MCPH1: variants seen among roughly 807,000 people sequenced by gnomAD.
MCPH1 encodes the protein microcephalin 1, also known as microcephalin.
MCPH1 carries 104 observed loss-of-function variants against 84.5 expected under a neutral mutation model. The ratio of observed to expected loss-of-function variants is 1.23; its 90% CI spans 1.05 to 1.45. MCPH1 has a LOEUF of 1.45. Among genes scored for constraint, MCPH1 ranks in the 40% most tolerant of loss-of-function variants. The pLI is 0.00. For missense variants in MCPH1, 1,498 were observed against 1,005.7 expected (o/e 1.49, Z -6.62); for synonymous variants, 514 against 366.8 (o/e 1.40, Z -4.58).
chr8:6,461,501 ATTT>A (rs78168192), intron 9 of MCPH1, among the ~76,000 whole-genome samples: 1 of 136,356 alleles, frequency 7.3e-6, no homozygotes, highest in Non-Finnish European at 1.6e-5. Flanking sequence ...TAATTTTTCT[ATTT>A]TTTTTTTTTT....
intron 13 of MCPH1, among the ~76,000 whole-genome samples, chr8:6,628,905 G>C (rs148263200): frequency 1.1e-3 from 169 of 152,326 alleles, no homozygotes; most frequent in Admixed American, 2.5e-3. Flanking sequence ...CTGTAGGAGA[G>C]ATTTTCCTGT....
intron 3 of MCPH1, among the ~76,000 whole-genome samples, chr8:6,429,323 G>A (rs1801506568): frequency 6.6e-6 from 1 of 152,214 alleles, no homozygotes. Flanking sequence ...ACACAGGGTG[G>A]CAGTGAGTGG....
chr8:6,488,969 G>T (rs1246308267), intron 11 of MCPH1, among the ~76,000 whole-genome samples: 2 of 152,046 alleles, frequency 1.3e-5, no homozygotes, highest in Admixed American at 1.3e-4. Context: ...CAGGTGTGTG[G>T]GAATGGAGAA....
intron 1 of MCPH1, among the ~76,000 whole-genome samples, chr8:6,407,851 C>T (rs1243658516): frequency 1.3e-5 from 2 of 152,164 alleles, no homozygotes; most frequent in East Asian, 1.9e-4. Flanking sequence ...GGTCTACGAG[C>T]TAAGAATGTC....
At chr8:6,463,463 A>C (rs1309165122) in intron 9 of MCPH1, among the ~76,000 whole-genome samples, 1 of 152,218 alleles carries the variant, frequency 6.6e-6, no homozygotes, top group African/African-American at 2.4e-5. Context: ...TATTTCAGAG[A>C]GCTCTAATCA....
intron 12 of MCPH1, among the ~76,000 whole-genome samples, chr8:6,613,618 G>C (rs1197759418): frequency 6.6e-6 from 1 of 152,020 alleles, no homozygotes; most frequent in Non-Finnish European, 1.5e-5. Flanking sequence ...AGGAGCCCAA[G>C]GGACCGGGGG....
rs375019116 is a variant in MCPH1, at chr8:6,445,578, C to T, written c.1825+31C>T. ...TGAATCTCCTTTTCCAAGTCACCTT[C>T]GCTAAATAAACATGTAACAGTGCAT... On this transcript the variant is annotated intron_variant, in intron 8 of 13. Coordinates refer to ENST00000344683, the MANE Select transcript of MCPH1 (RefSeq NM_024596.5). 2.1e-4 allele frequency: 320 copies of T among 1,550,000 alleles called. 2 individuals carry two copies. Among genetic ancestry groups the T allele is most frequent in the Admixed American group, 1.5e-4 (7 of 47,962 alleles).
intron 12 of MCPH1, among the ~76,000 whole-genome samples, chr8:6,575,571 G>A (rs1315508440): frequency 6.6e-6 from 1 of 152,168 alleles, no homozygotes. Flanking sequence ...TCATAAATTT[G>A]TCACTTCTTT....
At chr8:6,636,353 A>T (rs1797555552) in intron 13 of MCPH1, among the ~76,000 whole-genome samples, 1 of 151,436 alleles carries the variant, frequency 6.6e-6, no homozygotes, top group Non-Finnish European at 1.5e-5. Flanking sequence ...AAAAAAAAAA[A>T]GTCACAGTCA....
intron 12 of MCPH1, among the ~76,000 whole-genome samples, chr8:6,613,434 G>T (rs1830480825): frequency 6.6e-6 from 1 of 152,120 alleles, no homozygotes; most frequent in African/African-American, 2.4e-5. Flanking sequence ...GGAGAGAAGG[G>T]CCAGGGAGTC....
chr8:6,526,482 CT>C (rs1818372121), intron 12 of MCPH1, among the ~76,000 whole-genome samples: 1 of 151,684 alleles, frequency 6.6e-6, no homozygotes, highest in Non-Finnish European at 1.5e-5. Context: ...ATTGTTATAT[CT>C]CAATGATTGG....
At chr8:6,519,811 T>C in intron 12 of MCPH1, 2 of 1,597,206 alleles carry the variant, frequency 1.3e-6, no homozygotes, top group South Asian at 2.3e-5. Context: ...CCTCACTCAC[T>C]AAAGTGGCCT....
chr8:6,634,242 A>G (rs1012884372), intron 13 of MCPH1, among the ~76,000 whole-genome samples: 1 of 152,242 alleles, frequency 6.6e-6, no homozygotes, highest in African/African-American at 2.4e-5. Flanking sequence ...AACTGTGAAT[A>G]TTCAACAGGC....
At chr8:6,534,599 A>C (rs1020967391) in intron 12 of MCPH1, among the ~76,000 whole-genome samples, 1 of 152,366 alleles carries the variant, frequency 6.6e-6, no homozygotes, top group Middle Eastern at 3.4e-3. Flanking sequence ...GAACCAAAAC[A>C]GAGTAGACCA....
At chr8:6,527,776 C>A in intron 12 of MCPH1, 1 of 1,128,810 alleles carries the variant, frequency 8.9e-7, no homozygotes. Flanking sequence ...GAAAACATAA[C>A]AAAAACATTA....
intron 11 of MCPH1, among the ~76,000 whole-genome samples, chr8:6,482,047 G>A (rs1285783392): frequency 6.6e-6 from 1 of 152,274 alleles, no homozygotes; most frequent in African/African-American, 2.4e-5. Context: ...GCATGGAGTA[G>A]GTGCTGCTTG....
At chr8:6,459,708 G>A (rs768972554) in intron 9 of MCPH1, among the ~76,000 whole-genome samples, 1 of 152,192 alleles carries the variant, frequency 6.6e-6, no homozygotes, top group Non-Finnish European at 1.5e-5. Context: ...GATGTGTCCC[G>A]TGGCCCTAAT....
chr8:6,430,707 C>A (rs1801720891), intron 3 of MCPH1, among the ~76,000 whole-genome samples: 1 of 152,120 alleles, frequency 6.6e-6, no homozygotes. Flanking sequence ...GAGTAGAGGC[C>A]TTATAAAAAC....
rs367823840 is a variant in MCPH1 at position 6,444,843 on chromosome 8, A to G, written c.1121A>G (p.Lys374Arg). 3 of 1,614,098 alleles carry G rather than the reference A, an allele frequency of 1.9e-6. No individual in the cohort carries two copies. The highest frequency in any genetic ancestry group is 2.7e-5 in the African/African-American group (2 of 74,940). The change falls in exon 8 of 14, where the codon AAG becomes AGG. Residue 374 changes from lysine to arginine, a missense_variant. Lys to Arg is a conservative substitution (Grantham distance 26). Transcript: ENST00000344683. ...CCTCCGAAGGAAAAATGCAAGAGAA[A>G]GAGGAGCACCAGGAGATCTATCATG... ...HSPPKEKCKR[K>R]RSTRRSIMPR...
Sources: gnomAD v4.1 joint callset for allele counts (sites outside exome capture counted in the v4.1 genomes callset) on GRCh38, gnomAD v4.1.1 for gene constraint, MANE v1.5 for transcripts, NCBI Gene and HGNC (gene_info 2026-07-23, HGNC 2026-07-21) for gene names.